PCMTD1: variants seen among roughly 807,000 people sequenced by gnomAD.
PCMTD1 encodes the protein protein-L-isoaspartate (D-aspartate) O-methyltransferase domain containing 1, also known as protein-L-isoaspartate O-methyltransferase domain-containing protein 1.
PCMTD1 carries 12 observed loss-of-function variants against 37.6 expected under a neutral mutation model. The ratio of observed to expected loss-of-function variants is 0.32; its 90% confidence interval spans 0.20 to 0.52. The LOEUF (loss-of-function observed/expected upper bound fraction) is 0.52. Ranked by LOEUF, PCMTD1 falls within the 20% of genes least tolerant of loss-of-function variation. The pLI is 0.97. For missense variants in PCMTD1, 235 were observed against 421.3 expected (o/e 0.56, Z 3.87); for synonymous variants, 117 against 135.8 (o/e 0.86, Z 0.96).
intron 1 of PCMTD1, among the ~76,000 whole-genome samples, chr8:51,862,245 A>G (rs774571199): frequency 3.3e-5 from 5 of 152,212 alleles, no homozygotes; most frequent in Non-Finnish European, 7.3e-5. Flanking sequence ...ACTCATGTTT[A>G]TTAATGCGCT....
At chr8:51,874,875 A>T (rs2038690255) in intron 1 of PCMTD1, among the ~76,000 whole-genome samples, 1 of 152,196 alleles carries the variant, frequency 6.6e-6, no homozygotes, top group South Asian at 2.1e-4. Context: ...TTCAGGGACC[A>T]TACTCCAGAA....
At chr8:51,878,656 GGAT>G (rs2038749476) in intron 1 of PCMTD1, among the ~76,000 whole-genome samples, 1 of 152,162 alleles carries the variant, frequency 6.6e-6, no homozygotes, top group Non-Finnish European at 1.5e-5. Context: ...AATGGAGGTA[GGAT>G]GATCCCTTGA....
intron 5 of PCMTD1, chr8:51,827,090 T>C (rs926708616): frequency 2.0e-6 from 2 of 989,632 alleles, no homozygotes; most frequent in African/African-American, 3.5e-5. Context: ...GAAAGCTATT[T>C]TAACTTACTT....
At chr8:51,895,622 T>C (rs1279808100) in intron 1 of PCMTD1, among the ~76,000 whole-genome samples, 1 of 152,206 alleles carries the variant, frequency 6.6e-6, no homozygotes, top group African/African-American at 2.4e-5. Context: ...TTTTTGAGAA[T>C]ACACATACAC....
chr8:51,869,881 A>G (rs1204496992), intron 1 of PCMTD1, among the ~76,000 whole-genome samples: 1 of 152,234 alleles, frequency 6.6e-6, no homozygotes, highest in East Asian at 1.9e-4. Flanking sequence ...TAAAGGGTAC[A>G]CTCACATATA....
intron 1 of PCMTD1, among the ~76,000 whole-genome samples, chr8:51,897,834 G>A (rs905473956): frequency 6.6e-6 from 1 of 152,106 alleles, no homozygotes. Context: ...AATGAGGTGT[G>A]TAATAAAATG....
intron 1 of PCMTD1, among the ~76,000 whole-genome samples, chr8:51,880,381 T>C (rs1563360550): frequency 6.6e-6 from 1 of 152,220 alleles, no homozygotes; most frequent in Non-Finnish European, 1.5e-5. Flanking sequence ...AAAAAACTTA[T>C]TGAAAAAGGT....
In PCMTD1 at chr8:51,845,692, T is replaced by G. The variant is rs1182874745; in HGVS notation, c.379A>C (p.Ser127Arg). ...AAGCTATCACTATTTTTGATGAAGCTCTCCAGTTTTTCCTTGGCATATTCC... is the reference window on the plus strand; with the variant it reads ...AAGCTATCACTATTTTTGATGAAGCGCTCCAGTTTTTCCTTGGCATATTCC... ...VVEYAKEKLE[S>R]FIKNSDSFDK... The change falls in exon 3 of 6, where the codon AGC becomes CGC. Residue 127 changes from serine to arginine, a missense_variant. Physicochemically the swap from Ser to Arg is moderately radical, Grantham distance 110 (BLOSUM62 -1). Around this residue, in one of 3 missense-constraint regions of PCMTD1, gnomAD observed 183 missense variants for 349.3 expected, o/e 0.52. Coordinates refer to ENST00000522514, the MANE Select transcript of PCMTD1 (RefSeq NM_052937.4). 2.5e-6 allele frequency: 4 copies of G among 1,612,970 alleles called. No homozygotes were observed. Among genetic ancestry groups the G allele is most frequent in the Non-Finnish European group, 3.4e-6 (4 of 1,179,480 alleles).
chr8:51,878,253 T>TTTG (rs1554525733), intron 1 of PCMTD1, among the ~76,000 whole-genome samples: 3 of 149,158 alleles, frequency 2.0e-5, no homozygotes, highest in East Asian at 2.0e-4. Flanking sequence ...TTTTTTGGTT[T>TTTG]TTTTTTTTTT....
rs2037784206 is a variant in PCMTD1, at chr8:51,818,022, T to G, written c.*2329A>C. ...CCCCATCATTTTCACTTACTTTTAC[T>G]TAATCTTTATTTGCTACTTTTCCAC... On this transcript the variant is annotated 3_prime_UTR_variant, in exon 6 of 6. Transcript: ENST00000522514. 2.2e-6 allele frequency: 1 copy of G among 444,658 alleles called. No individual in the cohort carries two copies. The highest frequency in any genetic ancestry group is 7.2e-5 in the East Asian group (1 of 13,970). The allele number at this position is 444,658 out of a possible 1,614,324, so 27.5% of individuals were successfully genotyped here. A position where few individuals can be genotyped will look rare whatever the true frequency, so the allele number is the denominator to read the frequency against.
intron 1 of PCMTD1, among the ~76,000 whole-genome samples, chr8:51,895,043 G>A (rs2038980972): frequency 2.0e-5 from 3 of 152,180 alleles, no homozygotes; most frequent in African/African-American, 7.2e-5. Flanking sequence ...ATACACAAGT[G>A]GAAGCCTGAG....
intron 3 of PCMTD1, among the ~76,000 whole-genome samples, chr8:51,834,020 G>T (rs2038033441): frequency 6.6e-6 from 1 of 152,036 alleles, no homozygotes; most frequent in Non-Finnish European, 1.5e-5. Context: ...ATAACAATGA[G>T]AATCATAAGG....
intron 1 of PCMTD1, among the ~76,000 whole-genome samples, chr8:51,876,119 T>C (rs2038709898): frequency 2.9e-5 from 2 of 69,166 alleles, no homozygotes; most frequent in Admixed American, 3.3e-4. Flanking sequence ...AACTACTTAA[T>C]CCTTCCATAA....
intron 1 of PCMTD1, among the ~76,000 whole-genome samples, chr8:51,868,067 T>C (rs1047924922): frequency 6.6e-6 from 1 of 152,100 alleles, no homozygotes; most frequent in South Asian, 2.1e-4. Context: ...TAAACATATA[T>C]TGAAACATCA....
intron 2 of PCMTD1, among the ~76,000 whole-genome samples, chr8:51,854,878 CA>C (rs1264955870): frequency 0.019 from 2,160 of 112,694 alleles, 29 homozygotes; most frequent in African/African-American, 0.054. Flanking sequence ...AGACTTGTCT[CA>C]AAAAAAAAAA....
At chr8:51,884,780 T>C (rs1230528302) in intron 1 of PCMTD1, among the ~76,000 whole-genome samples, 1 of 152,188 alleles carries the variant, frequency 6.6e-6, no homozygotes, top group Non-Finnish European at 1.5e-5. Flanking sequence ...CATCTTTCTA[T>C]GGTATCCTAG....
chr8:51,824,727 G>A (rs1301962859), intron 5 of PCMTD1, among the ~76,000 whole-genome samples: 1 of 152,096 alleles, frequency 6.6e-6, no homozygotes, highest in African/African-American at 2.4e-5. Flanking sequence ...CAAAGAGCCT[G>A]CATAGCCAAG....
rs967167545 is a variant in PCMTD1 at position 51,861,078 on chromosome 8, C to T, written c.74G>A (p.Arg25His). The T allele has an allele frequency of 3.1e-6, 5 of 1,613,898 alleles. No homozygotes were observed. The highest frequency in any genetic ancestry group is 4.2e-6 in the Non-Finnish European group (5 of 1,179,926). Reference protein sequence around the residue: ...IDNLKEAQYIRTERVEQAFRA... With the variant: ...IDNLKEAQYIHTERVEQAFRA... ...GAAGGCTTGCTCCACTCTTTCAGTA[C>T]GAATATACTGAGCTTCTTTTAAATT... Residue 25 changes from arginine (R) to histidine (H), a missense_variant, in exon 2 of 6, where the codon CGT (arginine) becomes CAT (histidine). Arg to His is a conservative substitution (Grantham distance 29, BLOSUM62 0). Around this residue, in one of 3 missense-constraint regions of PCMTD1, gnomAD observed 183 missense variants for 349.3 expected, o/e 0.52. Coordinates refer to ENST00000522514, the MANE Select transcript of PCMTD1 (RefSeq NM_052937.4).
At chr8:51,867,213 GAA>G (rs2038567325) in intron 1 of PCMTD1, among the ~76,000 whole-genome samples, 1 of 152,018 alleles carries the variant, frequency 6.6e-6, no homozygotes, top group Non-Finnish European at 1.5e-5. Flanking sequence ...AGGTTGTAGA[GAA>G]AAGAGAACCC....
Sources: allele counts gnomAD v4.1 joint callset (sites outside exome capture counted in the v4.1 genomes callset), GRCh38; gene constraint gnomAD v4.1.1; regional missense constraint gnomAD v4.1.1; transcripts MANE v1.5; gene names NCBI Gene and HGNC (gene_info 2026-07-23, HGNC 2026-07-21).